Variants in EFR3B observed in about 807,000 individuals in gnomAD.
The protein encoded by EFR3B is EFR3 homolog B.
A neutral mutation model predicts 104.7 loss-of-function variants in EFR3B; 64 were observed. The observed-to-expected ratio is 0.61, with a 90% CI of 0.50 to 0.75. EFR3B has a LOEUF of 0.75. Among genes scored for constraint, EFR3B ranks in the 30% least tolerant of loss-of-function variants. The pLI is 0.00. For synonymous variants in EFR3B, 385 were observed against 417.9 expected (o/e 0.92, Z 0.96); for missense variants, 750 against 1,078.5 (o/e 0.70, Z 4.27).
intron 19 of EFR3B, among the ~76,000 whole-genome samples, chr2:25,148,846 C>G (rs1265560679): frequency 3.7e-5 from 5 of 136,956 alleles, no homozygotes; most frequent in East Asian, 2.3e-4. Context: ...GGCGTGAACC[C>G]GGGAGGCGGA....
In EFR3B at chr2:25,141,385, A is replaced by C. The variant is rs1293040911; in HGVS notation, c.1874A>C (p.Lys625Thr). 2 of 1,551,552 alleles carry C rather than the reference A, an allele frequency of 1.3e-6. No homozygotes were observed. Among genetic ancestry groups the C allele is most frequent in the Non-Finnish European group, 1.7e-6 (2 of 1,146,892 alleles). Residue 625 changes from lysine (K) to threonine (T), a missense_variant, in exon 17 of 23, where the codon AAA becomes ACA. Physicochemically the swap from Lys to Thr is moderately conservative, Grantham distance 78. Coordinates refer to ENST00000403714, the MANE Select transcript of EFR3B (RefSeq NM_014971.2). ...CGCCAGGTGATAGAGACCAGGAAGA[A>C]AGAGGCTCCATACATGCTCCCCGAG... is the stretch of plus-strand genomic sequence containing the variant. The part of the protein sequence containing the change: ...HIHEVIETRK[K>T]EAPYMLPEDV...
Position 25,131,979 on chromosome 2 carries a change from C to A in EFR3B, c.1147+68C>A. The A allele has an allele frequency of 3.1e-5, 2 of 64,776 alleles. No homozygotes were observed. The highest frequency in any genetic ancestry group is 9.6e-4 in the East Asian group (2 of 2,086). 4.0% of individuals were successfully genotyped at this position (64,776 alleles called of 1,614,324 possible). A position where few individuals can be genotyped will look rare whatever the true frequency, so the allele number is the denominator to read the frequency against. Reference sequence around the variant, plus strand: ...CGGAGTGGGGAGGGGAGGGGAGGGACGGGACGGGGCCCAGGGGCTCAAGAC... The same window carrying A: ...CGGAGTGGGGAGGGGAGGGGAGGGAAGGGACGGGGCCCAGGGGCTCAAGAC... On this transcript the variant is annotated intron_variant, in intron 10 of 22. Coordinates refer to ENST00000403714, the MANE Select transcript of EFR3B (RefSeq NM_014971.2). The surrounding 1 kb of genome is among the most constrained non-coding windows in gnomAD (Gnocchi z 7.6).
At chr2:25,153,584 C>A in intron 21 of EFR3B, 128 bp from the exon 22 acceptor site, 1 of 905,960 alleles carries the variant, frequency 1.1e-6, no homozygotes, top group Non-Finnish European at 1.7e-6. Context: ...GCGTGTTCAC[C>A]TCTGCCTGCC....
chr2:25,069,533 TCCAG>T (rs1360054837), intron 1 of EFR3B, among the ~76,000 whole-genome samples: 3 of 152,186 alleles, frequency 2.0e-5, no homozygotes, highest in Non-Finnish European at 4.4e-5. Context: ...GCATTACAGC[TCCAG>T]CGGTGTTCCA....
chr2:25,109,087 C>T (rs1669648348), intron 4 of EFR3B, among the ~76,000 whole-genome samples: 1 of 151,742 alleles, frequency 6.6e-6, no homozygotes, highest in South Asian at 2.1e-4. Context: ...AGATAACCCA[C>T]AGAAAGGGAG....
intron 1 of EFR3B, among the ~76,000 whole-genome samples, chr2:25,083,447 C>A (rs1668867303): frequency 6.6e-6 from 1 of 152,160 alleles, no homozygotes; most frequent in Admixed American, 6.5e-5. Flanking sequence ...TACTTAGTGT[C>A]TCGTTACAAT....
chr2:25,143,866 T>C lies in EFR3B; in HGVS notation c.2050+4T>C. 1 of 1,551,130 alleles carries C rather than the reference T, an allele frequency of 6.4e-7. No homozygotes were observed. The highest frequency in any genetic ancestry group is 1.2e-5 in the South Asian group (1 of 84,044). ...CCCTACATTCCTCAGCTGACAGGTA[T>C]GAGTTCTGTGCAGGGATGCCCGGGC... is the stretch of plus-strand genomic sequence containing the variant. On this transcript the variant is annotated splice_donor_region_variant and intron_variant, in intron 18 of 22. Coordinates refer to ENST00000403714, the MANE Select transcript of EFR3B (RefSeq NM_014971.2).
chr2:25,059,331 G>T (rs1054836895), intron 1 of EFR3B, among the ~76,000 whole-genome samples: 2 of 152,032 alleles, frequency 1.3e-5, no homozygotes, highest in Non-Finnish European at 2.9e-5. Context: ...TGATCCACCT[G>T]CCTGGGTTTC....
At chr2:25,069,148 TCCGCCCACCTCGG>T (rs1668421422) in intron 1 of EFR3B, among the ~76,000 whole-genome samples, 1 of 152,052 alleles carries the variant, frequency 6.6e-6, no homozygotes, top group Non-Finnish European at 1.5e-5. Flanking sequence ...CCTCAGGTGA[TCCGCCCACCTCGG>T]CCTCCCAAAG....
chr2:25,097,278 T>C (rs55780490), intron 3 of EFR3B, among the ~76,000 whole-genome samples: 1,974 of 152,338 alleles, frequency 0.013, 25 homozygotes, highest in Non-Finnish European at 0.017. Flanking sequence ...TTCCTAAACA[T>C]TTGGAGAAGA....
intron 20 of EFR3B, among the ~76,000 whole-genome samples, chr2:25,150,175 C>G (rs2149214222): frequency 6.6e-6 from 1 of 151,980 alleles, no homozygotes; most frequent in South Asian, 2.1e-4. Flanking sequence ...GGTGGCATGC[C>G]TGTAATCACA....
At chr2:25,087,996 T>C (rs1049003501) in intron 1 of EFR3B, among the ~76,000 whole-genome samples, 1 of 152,210 alleles carries the variant, frequency 6.6e-6, no homozygotes. Context: ...TGTGTATATG[T>C]TCATTTTTTT....
intron 1 of EFR3B, among the ~76,000 whole-genome samples, chr2:25,054,151 A>G (rs1469619061): frequency 1.3e-5 from 2 of 152,120 alleles, no homozygotes; most frequent in East Asian, 1.9e-4. Context: ...GGCCCTGGAC[A>G]TTTGGTTCAT....
At chr2:25,105,834 C>T (rs12233132) in intron 4 of EFR3B, among the ~76,000 whole-genome samples, 57,691 of 152,038 alleles carry the variant, frequency 0.38, 12,356 homozygotes, top group East Asian at 0.79. Flanking sequence ...GGTAGGTGTT[C>T]TGTCAGCTAC....
chr2:25,091,248 T>C, intron 1 of EFR3B, 77 bp from the exon 2 acceptor site: 1 of 1,395,346 alleles, frequency 7.2e-7, no homozygotes, highest in Non-Finnish European at 9.8e-7. Flanking sequence ...ACTCACAGGC[T>C]GCCCTGGCCC....
chr2:25,106,685 C>T (rs1320120420), intron 4 of EFR3B, among the ~76,000 whole-genome samples: 4 of 152,126 alleles, frequency 2.6e-5, no homozygotes, highest in Non-Finnish European at 5.9e-5. Context: ...TCAAGTGATC[C>T]GCCTGCCTCG....
intron 6 of EFR3B, among the ~76,000 whole-genome samples, chr2:25,129,362 GGGGCGTGGGGT>G (rs1265976166): frequency 3.6e-5 from 5 of 139,846 alleles, no homozygotes; most frequent in African/African-American, 1.4e-4. Flanking sequence ...GGCGTGGGGT[GGGGCGTGGGGT>G]GGGGTGGGGT....
intron 4 of EFR3B, among the ~76,000 whole-genome samples, chr2:25,117,613 G>A (rs1283468445): frequency 2.6e-5 from 4 of 151,946 alleles, no homozygotes; most frequent in East Asian, 3.9e-4. Flanking sequence ...GGGTTTCTCC[G>A]TGTGGGCAGG....
intron 1 of EFR3B, chr2:25,080,919 G>T (rs1668786046): frequency 3.9e-6 from 3 of 772,862 alleles, no homozygotes; most frequent in Admixed American, 1.7e-5. Flanking sequence ...CACAATATTA[G>T]GTGGAAATCC....
Sources: gnomAD v4.1 joint callset for allele counts (sites outside exome capture counted in the v4.1 genomes callset) on GRCh38, gnomAD v4.1.1 for gene constraint, Gnocchi (gnomAD v3.1) non-coding constraint, MANE v1.5 for transcripts, NCBI Gene and HGNC (gene_info 2026-07-23, HGNC 2026-07-21) for gene names.